The following EPB41L3 variants were observed in gnomAD, a reference collection of about 807,000 sequenced individuals.
EPB41L3 encodes erythrocyte membrane protein band 4.1 like 3, also known as band 4.1-like protein 3.
Under a neutral mutation model 127.1 loss-of-function variants are expected in EPB41L3, and 57 were observed. The observed-to-expected ratio is 0.45, with a 90% CI of 0.36 to 0.56. The LOEUF (loss-of-function observed/expected upper bound fraction) is 0.56, where lower values mean the gene tolerates loss of function less well. EPB41L3 is among the 20% of genes least tolerant of loss of function. The pLI is 0.00. For synonymous variants in EPB41L3, 572 were observed against 549.5 expected (o/e 1.04, Z -0.57); for missense variants, 1,273 against 1,372.2 (o/e 0.93, Z 1.14).
chr18:5,538,994 GATTTTTTTT>G lies in EPB41L3; in HGVS notation c.-12+4910_-12+4918del, dbSNP rs1287705745. Among the ~76,000 whole-genome samples, 11 of 128,656 alleles carry G rather than the reference GATTTTTTTT, an allele frequency of 8.5e-5. No homozygotes were observed. In the South Asian group the frequency reaches 9.9e-4, roughly 12 times the overall value. 84.4% of individuals were successfully genotyped at this position (128,656 alleles called of 152,430 possible). On this transcript the variant is annotated intron_variant, in intron 1 of 22. Transcript: ENST00000341928. ...GCAGTGCTTTTTAAGCTTTCTCCAA[GATTTTTTTT>G]TTTTTTTTTTTTTTTGGTAGTAAAG...
intron 12 of EPB41L3, among the ~76,000 whole-genome samples, chr18:5,418,635 C>T (rs950252166): frequency 6.6e-6 from 1 of 152,122 alleles, no homozygotes; most frequent in African/African-American, 2.4e-5. Context: ...CCATTATTTC[C>T]TACTCTCTGC....
At chr18:5,610,146 A>T (rs2094709116) in intron 3 of EPB41L3, 1 of 985,346 alleles carries the variant, frequency 1.0e-6, no homozygotes, top group Non-Finnish European at 1.2e-6. Context: ...GGACTCACCC[A>T]CATTATCCAC....
chr18:5,459,144 G>T (rs2083554549), intron 3 of EPB41L3, among the ~76,000 whole-genome samples: 1 of 152,130 alleles, frequency 6.6e-6, no homozygotes, highest in African/African-American at 2.4e-5. Context: ...TTAAAATACA[G>T]CTCTGAGTTC....
chr18:5,608,354 AC>A (rs1225021050), intron 3 of EPB41L3, among the ~76,000 whole-genome samples: 2 of 152,198 alleles, frequency 1.3e-5, no homozygotes, highest in East Asian at 3.8e-4. Context: ...ATGCAAAAAA[AC>A]AAATAAGAAA....
At chr18:5,540,644 G>T in intron 1 of EPB41L3, 2 of 673,928 alleles carry the variant, frequency 3.0e-6, no homozygotes, top group Non-Finnish European at 3.7e-6. Context: ...TGCAGCGATT[G>T]CACGATTAAG....
intron 14 of EPB41L3, 143 bp from the exon 15 acceptor site, chr18:5,407,879 A>G: frequency 1.4e-6 from 1 of 709,470 alleles, no homozygotes. Flanking sequence ...TTATACACAA[A>G]CCACAACATT....
upstream of EPB41L3, among the ~76,000 whole-genome samples, chr18:5,629,424 C>CACACAG (rs1379475064): frequency 3.1e-3 from 448 of 142,344 alleles, 2 homozygotes; most frequent in African/African-American, 0.013. Flanking sequence ...ACCACACACA[C>CACACAG]ACACACACAC....
chr18:5,479,112 C>G (rs2087855171), intron 2 of EPB41L3, among the ~76,000 whole-genome samples: 1 of 152,198 alleles, frequency 6.6e-6, no homozygotes, highest in African/African-American at 2.4e-5. Flanking sequence ...CTAGTCCAGG[C>G]TAGTTATAAA....
At chr18:5,411,703 G>A (rs1411920252) in intron 13 of EPB41L3, among the ~76,000 whole-genome samples, 1 of 151,544 alleles carries the variant, frequency 6.6e-6, no homozygotes, top group African/African-American at 2.4e-5. Flanking sequence ...AGTCTATGAT[G>A]GTGAATCTGG....
chr18:5,584,029 A>T (rs537494562), intron 3 of EPB41L3, among the ~76,000 whole-genome samples: 1 of 152,306 alleles, frequency 6.6e-6, no homozygotes, highest in African/African-American at 2.4e-5. Flanking sequence ...GCTGGTCTCG[A>T]ACCCTCAACC....
chr18:5,419,726 G>A lies in EPB41L3; in HGVS notation c.1491C>T (p.Ile497=). The A allele has an allele frequency of 6.2e-7, 1 of 1,614,160 alleles. No individual in the cohort carries two copies. The highest frequency in any genetic ancestry group is 8.5e-7 in the Non-Finnish European group (1 of 1,180,030). The part of the protein sequence containing the change: ...KGEEVTPISA[I]RHEGKSPGLG... ...GGAGCTATACCTTTCCCTCGTGCCG[G>A]ATGGCCGAGATGGGCGTGACTTCTT... The change falls in exon 12 of 23, where the codon ATC becomes ATT. Residue 497 remains isoleucine (I), a synonymous_variant. Coordinates refer to ENST00000341928, the MANE Select transcript of EPB41L3 (RefSeq NM_012307.5).
At chr18:5,538,136 C>T (rs577972673) in intron 1 of EPB41L3, among the ~76,000 whole-genome samples, 23 of 152,274 alleles carry the variant, frequency 1.5e-4, no homozygotes, top group South Asian at 4.1e-4. Context: ...AGTTATTCAA[C>T]GCATAAAGAA....
At chr18:5,551,808 G>T (rs2093969318) in intron 3 of EPB41L3, among the ~76,000 whole-genome samples, 1 of 152,132 alleles carries the variant, frequency 6.6e-6, no homozygotes, top group South Asian at 2.1e-4. Flanking sequence ...TCTGTTTCGT[G>T]TACATTTGAA....
chr18:5,485,222 C>T (rs1328379354), intron 2 of EPB41L3, among the ~76,000 whole-genome samples: 53 of 151,980 alleles, frequency 3.5e-4, no homozygotes, highest in Non-Finnish European at 2.2e-4. Context: ...TGATACATCA[C>T]ATTAACAGAA....
intron 1 of EPB41L3, among the ~76,000 whole-genome samples, chr18:5,513,546 A>T (rs1014151785): frequency 6.6e-6 from 1 of 152,100 alleles, no homozygotes; most frequent in Non-Finnish European, 1.5e-5. Flanking sequence ...ACACAGTAAA[A>T]CCTAGAGGGT....
intron 1 of EPB41L3, among the ~76,000 whole-genome samples, chr18:5,530,966 A>G (rs2093393453): frequency 6.6e-6 from 1 of 152,258 alleles, no homozygotes. Context: ...ACTGTTAGGC[A>G]GACGGACGGA....
At chr18:5,540,571 G>C in intron 1 of EPB41L3, 1 of 985,132 alleles carries the variant, frequency 1.0e-6, no homozygotes, top group Non-Finnish European at 1.2e-6. Flanking sequence ...GAACCCTCCC[G>C]GGCTGAGTGC....
chr18:5,397,505 C>G lies in EPB41L3; in HGVS notation c.2473-79G>C. On this transcript the variant is annotated intron_variant, in intron 17 of 22. Transcript: ENST00000341928. This position sits in a 1 kb window ranked among gnomAD's most constrained non-coding sequence, Gnocchi z 4.1. Reference sequence around the variant, plus strand: ...GAAAATAACTAAAGCTGCCACTCGCCAGGATGTCTAAAGCCAGCAGCAAGT... The same window carrying G: ...GAAAATAACTAAAGCTGCCACTCGCGAGGATGTCTAAAGCCAGCAGCAAGT... The G allele has an allele frequency of 6.7e-7, 1 of 1,488,378 alleles. No homozygotes were observed. The highest frequency in any genetic ancestry group is 9.0e-7 in the Non-Finnish European group (1 of 1,116,960). The allele number at this position is 1,488,378 out of a possible 1,614,324, so 92.2% of individuals were successfully genotyped here. A position where few individuals can be genotyped will look rare whatever the true frequency, so the allele number is the denominator to read the frequency against.
At chr18:5,493,801 G>C (rs2090869842) in intron 1 of EPB41L3, among the ~76,000 whole-genome samples, 1 of 151,872 alleles carries the variant, frequency 6.6e-6, no homozygotes, top group Non-Finnish European at 1.5e-5. Flanking sequence ...TAGTAACTTC[G>C]CTAAGGTGAC....
Sources: allele counts gnomAD v4.1 joint callset (sites outside exome capture counted in the v4.1 genomes callset), GRCh38; gene constraint gnomAD v4.1.1; non-coding constraint Gnocchi (gnomAD v3.1); transcripts MANE v1.5; gene names NCBI Gene and HGNC (gene_info 2026-07-23, HGNC 2026-07-21).